Variants in NCALD observed in about 807,000 individuals in gnomAD.
The protein encoded by NCALD is neurocalcin-delta.
NCALD carries 10 observed loss-of-function variants against 18.6 expected under a neutral mutation model. The ratio of observed to expected loss-of-function variants is 0.54; its 90% confidence interval spans 0.33 to 0.91. The LOEUF is 0.91. NCALD is among the 40% of genes least tolerant of loss of function. The pLI is 0.03. For synonymous variants in NCALD, 88 were observed against 87.4 expected (o/e 1.01, Z -0.04); for missense variants, 184 against 247.6 (o/e 0.74, Z 1.72).
chr8:102,052,877 G>A (rs900778866), intron 1 of NCALD, among the ~76,000 whole-genome samples: 1 of 152,058 alleles, frequency 6.6e-6, no homozygotes, highest in East Asian at 1.9e-4. Context: ...TAAATTTCCT[G>A]TAATTTTTAT....
rs985406641 is a variant in NCALD at position 101,904,925 on chromosome 8, TTCC to T, written c.-107+10881_-107+10883del. Among the ~76,000 whole-genome samples, 39 of 152,258 alleles carry T rather than the reference TTCC, an allele frequency of 2.6e-4. 1 individual carries two copies. The highest frequency in any genetic ancestry group is 9.1e-4 in the African/African-American group (38 of 41,548). On this transcript the variant is annotated intron_variant, in intron 3 of 6. Transcript: ENST00000311028. Reference sequence around the variant, plus strand: ...CTGTCCATTCCTAGACCCTTCCAGTTTCCTCCTCTTTTGCCCATCCCATAAATG... The same window carrying T: ...CTGTCCATTCCTAGACCCTTCCAGTTTCCTCTTTTGCCCATCCCATAAATG...
chr8:101,879,599 A>G (rs1381883151), intron 4 of NCALD, among the ~76,000 whole-genome samples: 2 of 152,176 alleles, frequency 1.3e-5, no homozygotes, highest in African/African-American at 2.4e-5. Context: ...GCTAGCTGGG[A>G]CAGCCTGCTT....
At chr8:101,848,645 T>TA (rs1814968981) in intron 4 of NCALD, among the ~76,000 whole-genome samples, 3 of 152,204 alleles carry the variant, frequency 2.0e-5, no homozygotes, top group Non-Finnish European at 2.9e-5. Flanking sequence ...TCTTGAAAGT[T>TA]AAAGTTTCTC....
chr8:101,802,589 A>C, intron 4 of NCALD, among the ~76,000 whole-genome samples: 1 of 152,060 alleles, frequency 6.6e-6, no homozygotes, highest in East Asian at 1.9e-4. Context: ...AAAAAAAAAA[A>C]GCAAAACAGC....
chr8:101,889,529 C>T (rs1377332411), intron 3 of NCALD, among the ~76,000 whole-genome samples: 1 of 152,122 alleles, frequency 6.6e-6, no homozygotes, highest in Non-Finnish European at 1.5e-5. Context: ...TGCTTTTTTT[C>T]TCAACAAATA....
chr8:102,117,438 C>T (rs546618485), intron 1 of NCALD, among the ~76,000 whole-genome samples: 2 of 152,332 alleles, frequency 1.3e-5, no homozygotes, highest in South Asian at 4.2e-4. Context: ...GTCCCAGCTA[C>T]TGTCCTCGGC....
In NCALD at chr8:102,008,530, A is replaced by C. The variant is rs1219108402; in HGVS notation, c.-157+11707T>G. On this transcript the variant is annotated intron_variant, in intron 2 of 6. Coordinates refer to the NCALD transcript ENST00000311028. ...CATTCTGGCCTTCCTTCTGTTTCTT[A>C]AAAGCAGGAGATAAAACTCCCAGGT... is the stretch of plus-strand genomic sequence containing the variant. 7.9e-5 allele frequency among the ~76,000 whole-genome samples: 12 copies of C among 151,868 alleles called. 1 individual carries two copies. The highest frequency in any genetic ancestry group is 7.2e-4 in the Admixed American group (11 of 15,242).
intron 4 of NCALD, among the ~76,000 whole-genome samples, chr8:101,833,021 C>A (rs1295356688): frequency 6.6e-6 from 1 of 152,198 alleles, no homozygotes; most frequent in Non-Finnish European, 1.5e-5. Flanking sequence ...AAGCTTTCAG[C>A]CACACCCGGA....
At chr8:102,088,900 G>A (rs72507592) in intron 1 of NCALD, among the ~76,000 whole-genome samples, 3,922 of 152,288 alleles carry the variant, frequency 0.026, 132 homozygotes, top group East Asian at 0.13. Context: ...GACAGTTCTG[G>A]TGTGTAATAA....
rs991156537 is a variant in NCALD, at chr8:101,872,397, C to T, written c.-20+14744G>A. On this transcript the variant is annotated intron_variant, in intron 4 of 6. Coordinates refer to the NCALD transcript ENST00000311028. Reference sequence around the variant, plus strand: ...CATGATCCTCCAGCTCTTCCAAAGTCATATCTTCGTATGTTGTCACCACTG... The same window carrying T: ...CATGATCCTCCAGCTCTTCCAAAGTTATATCTTCGTATGTTGTCACCACTG... 1.3e-5 allele frequency: 19 copies of T among 1,488,306 alleles called. No individual in the cohort carries two copies. The Middle Eastern group carries it at 6.4e-4, about 50-fold the overall frequency. The allele number at this position is 1,488,306 out of a possible 1,614,324, so 92.2% of individuals were successfully genotyped here. A position where few individuals can be genotyped will look rare whatever the true frequency, so the allele number is the denominator to read the frequency against.
chr8:101,980,768 ACC>A (rs1455278717), intron 2 of NCALD, among the ~76,000 whole-genome samples: 23 of 152,322 alleles, frequency 1.5e-4, no homozygotes, highest in African/African-American at 5.5e-4. Context: ...AGAGCAGGTT[ACC>A]CATGAAAGCA....
At chr8:102,021,760 A>G (rs1470890693) in intron 1 of NCALD, among the ~76,000 whole-genome samples, 1 of 152,212 alleles carries the variant, frequency 6.6e-6, no homozygotes, top group East Asian at 1.9e-4. Flanking sequence ...TTTTAAGGAC[A>G]CAGTTTTTTG....
chr8:102,099,627 T>TA lies in NCALD; in HGVS notation c.-210+24609dup, dbSNP rs11311408. Among the ~76,000 whole-genome samples the TA allele has an allele frequency of 3.0e-3, 420 of 140,804 alleles. 2 individuals carry two copies. The highest frequency in any genetic ancestry group is 0.017 in the Middle Eastern group (5 of 286). 92.4% of individuals were successfully genotyped at this position (140,804 alleles called of 152,430 possible). A position where few individuals can be genotyped will look rare whatever the true frequency, so the allele number is the denominator to read the frequency against. Reference sequence around the variant, plus strand: ...ACATTTAGGTTGATGTTGTCATTAATAAAAAAAAAAAAAAATCAGAAATAG... The same window carrying TA: ...ACATTTAGGTTGATGTTGTCATTAATAAAAAAAAAAAAAAAATCAGAAATAG... On this transcript the variant is annotated intron_variant, in intron 1 of 6. Transcript: ENST00000311028.
Position 101,692,916 on chromosome 8 carries a change from G to A in NCALD, c.379-20C>T, listed in dbSNP as rs768331436. On this transcript the variant is annotated intron_variant, in intron 2 of 3. Transcript: ENST00000220931. ...GATTGCCTGGGGACAGAAGCGACAT[G>A]GTGGTAAGACAGAAAAACAGTATGG... is the stretch of plus-strand genomic sequence containing the variant. 8 of 1,567,172 alleles carry A rather than the reference G, an allele frequency of 5.1e-6. No individual in the cohort carries two copies. The East Asian group carries it at 1.6e-4, about 31-fold the overall frequency.
chr8:101,891,066 C>A (rs1323639420), intron 3 of NCALD, among the ~76,000 whole-genome samples: 1 of 152,158 alleles, frequency 6.6e-6, no homozygotes, highest in Non-Finnish European at 1.5e-5. Flanking sequence ...CAAATGGTAT[C>A]TTTTTCACAT....
chr8:101,859,548 T>C (rs577912791), intron 4 of NCALD, among the ~76,000 whole-genome samples: 3 of 152,256 alleles, frequency 2.0e-5, no homozygotes, highest in East Asian at 1.9e-4. Context: ...TGACCAAGAA[T>C]AGGAGGCTAG....
chr8:101,838,895 C>G (rs73277021), intron 4 of NCALD, among the ~76,000 whole-genome samples: 3,711 of 152,278 alleles, frequency 0.024, 82 homozygotes, highest in African/African-American at 0.056. Flanking sequence ...TATGTTAGAT[C>G]TTGTTACTAA....
Position 101,686,798 on chromosome 8 carries a change from G to A in NCALD, c.*2511C>T, listed in dbSNP as rs1357161224. ...AACATCACAGGCTGGTTTTATTTGG[G>A]ACAGAACAGGTTTTATTTCCAAAGG... On this transcript the variant is annotated 3_prime_UTR_variant, in exon 4 of 4. Transcript: ENST00000220931. 1.3e-5 allele frequency: 2 copies of A among 152,480 alleles called. No homozygotes were observed. The highest frequency in any genetic ancestry group is 4.8e-5 in the African/African-American group (2 of 41,328). The allele number at this position is 152,480 out of a possible 1,614,324, so 9.4% of individuals were successfully genotyped here. A position where few individuals can be genotyped will look rare whatever the true frequency, so the allele number is the denominator to read the frequency against.
At chr8:101,785,075 C>G (rs1416658439) in intron 1 of NCALD, among the ~76,000 whole-genome samples, 2 of 152,126 alleles carry the variant, frequency 1.3e-5, no homozygotes, top group African/African-American at 4.8e-5. Context: ...AAGCCAAATG[C>G]CTAGAGCTCT....
Sources: allele counts gnomAD v4.1 joint callset (sites outside exome capture counted in the v4.1 genomes callset), GRCh38; gene constraint gnomAD v4.1.1; transcripts MANE v1.5; gene names NCBI Gene and HGNC (gene_info 2026-07-23, HGNC 2026-07-21).